PCDH11X: variants seen among roughly 807,000 people sequenced by gnomAD.
The protein encoded by PCDH11X is protocadherin-11 X-linked.
In PCDH11X, 18 loss-of-function variants were observed where a neutral mutation model predicts 53.3. That is an observed-to-expected ratio of 0.34 (90% CI 0.23 to 0.50). The LOEUF is 0.50. Ranked by LOEUF, PCDH11X falls within the 20% of genes least tolerant of loss-of-function variation. PCDH11X has a pLI of 0.98. For synonymous variants in PCDH11X, 279 were observed against 393.3 expected (o/e 0.71, Z 3.44); for missense variants, 570 against 1,032.4 (o/e 0.55, Z 6.14).
intron 6 of PCDH11X, among the ~76,000 whole-genome samples, chrX:91,941,527 T>C (rs2061509912): frequency 9.2e-6 from 1 of 108,499 alleles, no homozygotes; most frequent in Admixed American, 9.9e-5. Context: ...TTATTCATGT[T>C]CGTGCAACTA....
rs2074023452 is a variant in PCDH11X, at chrX:92,504,953, C to A, written c.3367+36631C>A. The stretch of plus-strand genomic sequence containing the variant: ...ATTTTGAAAAGTATCTGTTCATGTT[C>A]TTTGGCCACTTTTGAATGGGGAATG... On this transcript the variant is annotated intron_variant, in intron 10 of 10. Coordinates refer to ENST00000682573, the MANE Select transcript of PCDH11X (RefSeq NM_032968.5). Among the ~76,000 whole-genome samples the A allele has an allele frequency of 7.3e-5, 8 of 109,763 alleles. No homozygotes were observed. The Admixed American group carries it at 7.8e-4, about 11-fold the overall frequency.
At chrX:92,221,825 C>G (rs1056461560) in intron 7 of PCDH11X, among the ~76,000 whole-genome samples, 2 of 103,661 alleles carry the variant, frequency 1.9e-5, no homozygotes, top group African/African-American at 6.9e-5. Context: ...TCAGAGCAAA[C>G]CATTTTCTTA....
At chrX:92,090,577 G>A (rs920800589) in intron 6 of PCDH11X, among the ~76,000 whole-genome samples, 10 of 111,186 alleles carry the variant, frequency 9.0e-5, no homozygotes, top group Non-Finnish European at 1.9e-4. Flanking sequence ...AAATAGTTAC[G>A]TGAAGGAGGC....
At position 92,232,783 on chromosome X, in the gene PCDH11X, C is replaced by A. The variant is rs2067100156; in HGVS notation, c.3115-30331C>A. Reference sequence around the variant, plus strand: ...CCAGGCTGGAGTGCAGTGGTGCGATCTTGGCTCACTGTAAGCTCCGCCTTC... The same window carrying A: ...CCAGGCTGGAGTGCAGTGGTGCGATATTGGCTCACTGTAAGCTCCGCCTTC... On this transcript the variant is annotated intron_variant, in intron 7 of 10. Coordinates refer to ENST00000682573, the MANE Select transcript of PCDH11X (RefSeq NM_032968.5). Among the ~76,000 whole-genome samples the A allele has an allele frequency of 5.4e-5, 6 of 112,117 alleles. No homozygotes were observed. The South Asian group carries it at 2.2e-3, about 41-fold the overall frequency.
chrX:92,368,454 C>A (rs1347337261), intron 8 of PCDH11X, among the ~76,000 whole-genome samples: 1 of 111,724 alleles, frequency 9.0e-6, no homozygotes, highest in African/African-American at 3.3e-5. Context: ...TCCTTTAACT[C>A]AGAGGAGTTT....
intron 10 of PCDH11X, among the ~76,000 whole-genome samples, chrX:92,525,417 G>A (rs1156652387): frequency 9.1e-6 from 1 of 110,259 alleles, no homozygotes; most frequent in African/African-American, 3.3e-5. Context: ...GATCACCTGA[G>A]GTCAGGAGTT....
At chrX:91,858,487 T>G (rs1001857203) in intron 5 of PCDH11X, among the ~76,000 whole-genome samples, 1 of 111,801 alleles carries the variant, frequency 8.9e-6, no homozygotes, top group African/African-American at 3.2e-5. Context: ...CTGCAATTTT[T>G]CCAAACTTTC....
chrX:91,884,352 TA>T (rs1323913978), intron 6 of PCDH11X, among the ~76,000 whole-genome samples: 2 of 110,998 alleles, frequency 1.8e-5, no homozygotes, highest in Non-Finnish European at 3.8e-5. Context: ...AGTATATTGA[TA>T]TTTCTTATAT....
intron 9 of PCDH11X, among the ~76,000 whole-genome samples, chrX:92,464,807 G>A (rs963928163): frequency 9.3e-6 from 1 of 107,753 alleles, no homozygotes; most frequent in Admixed American, 1.0e-4. Flanking sequence ...TGCATATTTT[G>A]TAGAATTTTT....
At chrX:92,449,430 A>G (rs1447379755) in intron 9 of PCDH11X, among the ~76,000 whole-genome samples, 7 of 111,826 alleles carry the variant, frequency 6.3e-5, no homozygotes, top group Non-Finnish European at 3.8e-5. Context: ...AGCAACAGAA[A>G]CTGAATTTCT....
At chrX:92,078,012 T>A (rs1022173819) in intron 6 of PCDH11X, among the ~76,000 whole-genome samples, 3 of 110,565 alleles carry the variant, frequency 2.7e-5, no homozygotes, top group Non-Finnish European at 5.7e-5. Context: ...ACTGTTATTA[T>A]TAGCCCTATG....
intron 6 of PCDH11X, among the ~76,000 whole-genome samples, chrX:92,183,512 C>T (rs986851607): frequency 8.9e-6 from 1 of 111,871 alleles, no homozygotes; most frequent in Admixed American, 9.5e-5. Context: ...CCACCTCAGC[C>T]TCCCAGGCGT....
At chrX:92,104,347 G>T (rs2064329495) in intron 6 of PCDH11X, among the ~76,000 whole-genome samples, 1 of 110,439 alleles carries the variant, frequency 9.1e-6, no homozygotes, top group Non-Finnish European at 1.9e-5. Context: ...CGACACTTGG[G>T]GTTGGTACTG....
chrX:92,526,289 T>C (rs891576099), intron 10 of PCDH11X, among the ~76,000 whole-genome samples: 4 of 110,883 alleles, frequency 3.6e-5, no homozygotes, highest in African/African-American at 6.6e-5. Context: ...GCTAAGACTT[T>C]AGGAGAATTG....
chrX:91,914,154 C>T (rs924340637), intron 6 of PCDH11X, among the ~76,000 whole-genome samples: 1 of 110,502 alleles, frequency 9.0e-6, no homozygotes, highest in African/African-American at 3.3e-5. Flanking sequence ...AGAGCAATAA[C>T]AATCACTGCA....
At chrX:91,881,452 G>C (rs780279693) in intron 6 of PCDH11X, among the ~76,000 whole-genome samples, 78 of 111,210 alleles carry the variant, frequency 7.0e-4, no homozygotes, top group African/African-American at 2.3e-3. Flanking sequence ...AGCTTAAAAA[G>C]TAAATAAATT....
chrX:92,480,380 C>T (rs1354612412), intron 10 of PCDH11X, among the ~76,000 whole-genome samples: 1 of 111,215 alleles, frequency 9.0e-6, no homozygotes, highest in Non-Finnish European at 1.9e-5. Context: ...CAGTGAAGAA[C>T]CGTTGCTAGA....
intron 6 of PCDH11X, among the ~76,000 whole-genome samples, chrX:92,072,595 A>G (rs2063719552): frequency 9.0e-6 from 1 of 111,633 alleles, no homozygotes; most frequent in Admixed American, 9.5e-5. Context: ...TGTCGGAGCT[A>G]AGGCTTGGAA....
chrX:92,147,221 T>C (rs2573905), intron 6 of PCDH11X, among the ~76,000 whole-genome samples: 54,715 of 106,416 alleles, frequency 0.51, 12,074 homozygotes, highest in African/African-American at 0.7. Context: ...TGGAACTATC[T>C]AACTATGTAA....
Sources: allele counts gnomAD v4.1 joint callset (sites outside exome capture counted in the v4.1 genomes callset), GRCh38; gene constraint gnomAD v4.1.1; transcripts MANE v1.5; gene names NCBI Gene and HGNC (gene_info 2026-07-23, HGNC 2026-07-21).